Variants in GMDS observed in about 807,000 individuals in gnomAD.
The protein encoded by GMDS is GDP-mannose 4,6 dehydratase.
In GMDS, 20 loss-of-function variants were observed where a neutral mutation model predicts 49.9. The ratio of observed to expected loss-of-function variants is 0.40; its 90% CI spans 0.28 to 0.58. The LOEUF is 0.58. Ranked by LOEUF, GMDS falls within the 20% of genes least tolerant of loss-of-function variation. GMDS has a pLI of 0.42. For synonymous variants in GMDS, 177 were observed against 178.6 expected (o/e 0.99, Z 0.07); for missense variants, 362 against 481.4 (o/e 0.75, Z 2.32).
intron 4 of GMDS, among the ~76,000 whole-genome samples, chr6:2,039,065 T>C (rs1362339004): frequency 6.6e-6 from 1 of 152,196 alleles, no homozygotes; most frequent in Non-Finnish European, 1.5e-5. Flanking sequence ...ACGCCTAGGC[T>C]GTATGGTAGA....
chr6:2,029,322 G>A (rs1768816248), intron 4 of GMDS, among the ~76,000 whole-genome samples: 1 of 152,010 alleles, frequency 6.6e-6, no homozygotes, highest in Non-Finnish European at 1.5e-5. Context: ...TAATTACTCA[G>A]CAGGTGACTG....
chr6:2,067,554 T>C (rs2127455083), intron 4 of GMDS, among the ~76,000 whole-genome samples: 1 of 151,770 alleles, frequency 6.6e-6, no homozygotes. Context: ...AAGAATCAAA[T>C]AGACACAATA....
chr6:1,738,992 C>G (rs1440298291), intron 8 of GMDS, among the ~76,000 whole-genome samples: 1 of 152,194 alleles, frequency 6.6e-6, no homozygotes, highest in Non-Finnish European at 1.5e-5. Flanking sequence ...TCTGGATAAG[C>G]TGGCTTTTGG....
chr6:2,035,924 T>C (rs1426913780), intron 4 of GMDS, among the ~76,000 whole-genome samples: 1 of 152,108 alleles, frequency 6.6e-6, no homozygotes, highest in Non-Finnish European at 1.5e-5. Context: ...TGACCTCAAG[T>C]GATCCAACCA....
chr6:2,155,864 A>G (rs1777088010), intron 1 of GMDS, among the ~76,000 whole-genome samples: 1 of 152,196 alleles, frequency 6.6e-6, no homozygotes, highest in Admixed American at 6.5e-5. Flanking sequence ...CGAATTCTAA[A>G]TTACGTAAAT....
In GMDS at chr6:1,624,105, G is replaced by A; in HGVS notation, c.*64C>T. The A allele has an allele frequency of 7.0e-7, 1 of 1,430,772 alleles. No homozygotes were observed. The highest frequency in any genetic ancestry group is 1.4e-5 in the African/African-American group (1 of 71,736). 88.6% of individuals were successfully genotyped at this position (1,430,772 alleles called of 1,614,324 possible). A position where few individuals can be genotyped will look rare whatever the true frequency, so the allele number is the denominator to read the frequency against. On this transcript the variant is annotated 3_prime_UTR_variant, in exon 11 of 11. Coordinates refer to ENST00000380815, the MANE Select transcript of GMDS (RefSeq NM_001500.4). ...GCACGCCGCTCCCCATCCCCGCAGCGCGTCTGCACCGGAGACTCTGCGGGG... is the reference window on the plus strand; with the variant it reads ...GCACGCCGCTCCCCATCCCCGCAGCACGTCTGCACCGGAGACTCTGCGGGG...
Position 2,124,610 on chromosome 6 carries a change from G to A in GMDS, c.147+77C>T, listed in dbSNP as rs2273095. ...CAGTGGAAAACACACTCAGGAGGAC[G>A]GCAGCAGAGGAAGCATGTGGCCGCT... On this transcript the variant is annotated intron_variant, in intron 2 of 10. Transcript: ENST00000380815. 6.4e-3 allele frequency: 6,560 copies of A among 1,024,156 alleles called. 311 individuals carry two copies. The East Asian group carries it at 0.12, about 19-fold the overall frequency. The allele number at this position is 1,024,156 out of a possible 1,614,324, so 63.4% of individuals were successfully genotyped here.
At chr6:1,718,334 C>T (rs963997333) in intron 9 of GMDS, among the ~76,000 whole-genome samples, 3 of 152,152 alleles carry the variant, frequency 2.0e-5, no homozygotes, top group Non-Finnish European at 4.4e-5. Flanking sequence ...CTCAACACCT[C>T]CCCCTGCAAA....
At chr6:1,812,012 G>A (rs898627743) in intron 7 of GMDS, among the ~76,000 whole-genome samples, 1 of 152,124 alleles carries the variant, frequency 6.6e-6, no homozygotes, top group African/African-American at 2.4e-5. Flanking sequence ...TCTACTGTCC[G>A]AGGAATCATA....
chr6:1,862,234 T>C (rs1758223126), intron 7 of GMDS, among the ~76,000 whole-genome samples: 1 of 152,234 alleles, frequency 6.6e-6, no homozygotes, highest in African/African-American at 2.4e-5. Flanking sequence ...GCTCATTTAT[T>C]TATTTTTGTG....
In GMDS at chr6:2,032,513, T is replaced by A. The variant is rs1051588127; in HGVS notation, c.346-71547A>T. The stretch of plus-strand genomic sequence containing the variant: ...GTATTTGCACAATCCTTAAGTCTCC[T>A]TAAATCCCTTTCAAAATGAGATCTG... On this transcript the variant is annotated intron_variant, in intron 4 of 10. Coordinates refer to ENST00000380815, the MANE Select transcript of GMDS (RefSeq NM_001500.4). Among the ~76,000 whole-genome samples, 5 of 152,302 alleles carry A rather than the reference T, an allele frequency of 3.3e-5. No homozygotes were observed. In the East Asian group the frequency reaches 9.6e-4, roughly 29 times the overall value.
At chr6:1,774,275 C>T (rs867058573) in intron 7 of GMDS, among the ~76,000 whole-genome samples, 6 of 152,126 alleles carry the variant, frequency 3.9e-5, no homozygotes, top group Admixed American at 3.3e-4. Flanking sequence ...CTCACTTGTG[C>T]CTCATCACTC....
intron 4 of GMDS, among the ~76,000 whole-genome samples, chr6:2,069,069 A>G (rs1771810679): frequency 6.6e-6 from 1 of 152,212 alleles, no homozygotes; most frequent in Non-Finnish European, 1.5e-5. Context: ...CAAAACAGAG[A>G]TATAGATCAA....
rs35285110 is a variant in GMDS at position 1,761,246 on chromosome 6, T to A, written c.772-18660A>T. 3.3e-3 allele frequency among the ~76,000 whole-genome samples: 507 copies of A among 152,318 alleles called. 4 individuals are homozygous for A. The highest frequency in any genetic ancestry group is 4.7e-3 in the Non-Finnish European group (321 of 68,034). ...GGAGTTTTTAAAAAATTAAGTCTAC[T>A]TAATTCTAGATGAAATCTGGAAAAA... is the stretch of plus-strand genomic sequence containing the variant. On this transcript the variant is annotated intron_variant, in intron 7 of 10. Coordinates refer to ENST00000380815, the MANE Select transcript of GMDS (RefSeq NM_001500.4).
chr6:2,213,420 A>G (rs927322880), intron 1 of GMDS, among the ~76,000 whole-genome samples: 2 of 152,194 alleles, frequency 1.3e-5, no homozygotes, highest in African/African-American at 4.8e-5. Flanking sequence ...AACAATACAG[A>G]CCCAATGGTC....
In GMDS at chr6:1,624,102, A is replaced by C; in HGVS notation, c.*67T>G. The C allele has an allele frequency of 7.1e-7, 1 of 1,411,068 alleles. No individual in the cohort carries two copies. The highest frequency in any genetic ancestry group is 9.9e-7 in the Non-Finnish European group (1 of 1,010,854). The allele number at this position is 1,411,068 out of a possible 1,614,324, so 87.4% of individuals were successfully genotyped here. On this transcript the variant is annotated 3_prime_UTR_variant, in exon 11 of 11. Coordinates refer to ENST00000380815, the MANE Select transcript of GMDS (RefSeq NM_001500.4). ...TTGGCACGCCGCTCCCCATCCCCGC[A>C]GCGCGTCTGCACCGGAGACTCTGCG...
At chr6:2,144,265 G>A (rs1431992178) in intron 1 of GMDS, among the ~76,000 whole-genome samples, 1 of 152,168 alleles carries the variant, frequency 6.6e-6, no homozygotes. Context: ...GTCAGGTGTG[G>A]TCACAAGAGG....
At chr6:1,656,315 T>G (rs1327052262) in intron 9 of GMDS, among the ~76,000 whole-genome samples, 3 of 152,228 alleles carry the variant, frequency 2.0e-5, no homozygotes, top group Non-Finnish European at 4.4e-5. Context: ...GTTTTTGCCC[T>G]CTTTCTTTTT....
At chr6:2,088,738 T>C (rs1773151378) in intron 4 of GMDS, among the ~76,000 whole-genome samples, 1 of 151,864 alleles carries the variant, frequency 6.6e-6, no homozygotes, top group South Asian at 2.1e-4. Context: ...GCCCTAAGCA[T>C]GGTTTATGTT....
Sources: gnomAD v4.1 joint callset for allele counts (sites outside exome capture counted in the v4.1 genomes callset) on GRCh38, gnomAD v4.1.1 for gene constraint, MANE v1.5 for transcripts, NCBI Gene and HGNC (gene_info 2026-07-23, HGNC 2026-07-21) for gene names.